HMGN5: variants seen among roughly 807,000 people sequenced by gnomAD.
The protein encoded by HMGN5 is high mobility group nucleosome binding domain 5.
A neutral mutation model predicts 9.5 loss-of-function variants in HMGN5; 4 were observed. That is an observed-to-expected ratio of 0.42 (90% CI 0.21 to 0.96). The LOEUF is 0.96. HMGN5 is among the 40% of genes least tolerant of loss of function. The pLI, the probability that HMGN5 is intolerant of heterozygous loss-of-function variation, is 0.30. For missense variants in HMGN5, 192 were observed against 187.5 expected (o/e 1.02, Z -0.14); for synonymous variants, 55 against 57.1 (o/e 0.96, Z 0.16).
In HMGN5 at chrX:81,189,055, G is replaced by T. The variant is rs559910475; in HGVS notation, c.-124+12682C>A. 1.9e-4 allele frequency among the ~76,000 whole-genome samples: 21 copies of T among 111,713 alleles called. No homozygotes were observed. The South Asian group carries it at 7.8e-3, about 42-fold the overall frequency. ...TTAGCATTTCTTGTGGGACAGGTCT[G>T]GTGTTAATGAAATCTCTCAGCTTTT... On this transcript the variant is annotated intron_variant, in intron 1 of 6. Coordinates refer to ENST00000358130, the MANE Select transcript of HMGN5 (RefSeq NM_030763.3).
chrX:81,200,786 A>G (rs1024551380), intron 1 of HMGN5, among the ~76,000 whole-genome samples: 1 of 111,095 alleles, frequency 9.0e-6, no homozygotes, highest in African/African-American at 3.3e-5. Context: ...CAGCAAACCA[A>G]CATGGCACAT....
intron 1 of HMGN5, among the ~76,000 whole-genome samples, chrX:81,153,328 A>G (rs754132046): frequency 9.5e-6 from 1 of 105,147 alleles, no homozygotes; most frequent in African/African-American, 3.5e-5. Flanking sequence ...TGAGGTGGGT[A>G]GATCACTTAA....
Position 81,115,236 on chromosome X carries a change from A to C in HMGN5, c.268-6T>G. On this transcript the variant is annotated splice_polypyrimidine_tract_variant and splice_region_variant and intron_variant, in intron 6 of 6. Transcript: ENST00000358130. ...TCTTTTTCAGAAGCTGGTGCCTGTA[A>C]GTATAGTGAAAAGAAAAACAAGATT... The C allele has an allele frequency of 6.1e-6, 7 of 1,140,634 alleles. No individual in the cohort carries two copies. The highest frequency in any genetic ancestry group is 8.1e-6 in the Non-Finnish European group (7 of 866,845). The allele number at this position is 1,140,634 out of a possible 1,213,427, so 94.0% of individuals were successfully genotyped here. A position where few individuals can be genotyped will look rare whatever the true frequency, so the allele number is the denominator to read the frequency against.
chrX:81,179,808 C>T (rs891865599), intron 1 of HMGN5, among the ~76,000 whole-genome samples: 10 of 111,648 alleles, frequency 9.0e-5, no homozygotes, highest in African/African-American at 3.3e-4. Context: ...AACTATACTA[C>T]AAGGCTACAG....
rs764982112 is a variant in HMGN5, at chrX:81,116,323, C to A, written c.148G>T (p.Asp50Tyr). ...SSSRKMKTKS[D>Y]MMEENIDTSA... ...GTATCTATGTTTTCTTCCATCATAT[C>A]ACTTTTTGTCTTCATTTTCTGCCAA... The change falls in exon 6 of 7, where the codon GAT (aspartate) becomes TAT (tyrosine). Residue 50 changes from aspartate (D) to tyrosine (Y), a missense_variant. Coordinates refer to ENST00000358130, the MANE Select transcript of HMGN5 (RefSeq NM_030763.3). The A allele has an allele frequency of 8.4e-7, 1 of 1,188,465 alleles. No homozygotes were observed. The highest frequency in any genetic ancestry group is 1.1e-6 in the Non-Finnish European group (1 of 877,814).
intron 1 of HMGN5, among the ~76,000 whole-genome samples, chrX:81,127,555 T>C (rs903541752): frequency 1.1e-4 from 11 of 103,721 alleles, no homozygotes; most frequent in Non-Finnish European, 8.0e-5. Flanking sequence ...GTTTGTGTTA[T>C]GCTAGGATTT....
chrX:81,166,816 G>C (rs1003166957), intron 1 of HMGN5, among the ~76,000 whole-genome samples: 1 of 111,279 alleles, frequency 9.0e-6, no homozygotes, highest in African/African-American at 3.3e-5. Flanking sequence ...CTTTAGAAAG[G>C]TTCAAGCAAA....
chrX:81,188,261 GAATATTATT>G (rs1285396181), intron 1 of HMGN5, among the ~76,000 whole-genome samples: 10 of 52,994 alleles, frequency 1.9e-4, no homozygotes, highest in African/African-American at 6.7e-4. Context: ...ACTGTGCACA[GAATATTATT>G]ATTATTATTA....
chrX:81,118,572 T>G (rs1470886121), intron 4 of HMGN5, 87 bp from the exon 5 acceptor site: 1 of 850,909 alleles, frequency 1.2e-6, no homozygotes, highest in Non-Finnish European at 1.7e-6. Flanking sequence ...ACCTCTGAAT[T>G]AAAATAAATG....
chrX:81,167,387 A>C (rs1211348896), intron 1 of HMGN5, among the ~76,000 whole-genome samples: 1 of 110,140 alleles, frequency 9.1e-6, no homozygotes, highest in Non-Finnish European at 1.9e-5. Context: ...TTAAATCTTC[A>C]ATTATTTTGA....
chrX:81,152,119 G>T (rs2075364633), intron 1 of HMGN5, among the ~76,000 whole-genome samples: 1 of 111,408 alleles, frequency 9.0e-6, no homozygotes, highest in Non-Finnish European at 1.9e-5. Flanking sequence ...AAAAGCAATG[G>T]CAACAAAAGC....
rs1444591497 is a variant in HMGN5, at chrX:81,145,572, G to A, written c.-123-23900C>T. Reference sequence around the variant, plus strand: ...ATACCAAATTGTAAAGACCATCGACGCTATGAAGAAACTGCATCAACTAAT... The same window carrying A: ...ATACCAAATTGTAAAGACCATCGACACTATGAAGAAACTGCATCAACTAAT... On this transcript the variant is annotated intron_variant, in intron 1 of 6. Transcript: ENST00000358130. Among the ~76,000 whole-genome samples the A allele has an allele frequency of 1.8e-4, 20 of 111,775 alleles. No homozygotes were observed. In the Admixed American group the frequency reaches 1.8e-3, roughly 10 times the overall value.
At position 81,121,650 on chromosome X, in the gene HMGN5, T is replaced by C. The variant is rs1280021966; in HGVS notation, c.-101A>G. ...GCAAATGAGTTTTCAATGAACTAAC[T>C]GCAGCACGACCTGTACTCTCCTCTG... On this transcript the variant is annotated 5_prime_UTR_variant, in exon 2 of 7. Transcript: ENST00000358130. The C allele has an allele frequency of 1.2e-5, 7 of 575,052 alleles. No homozygotes were observed. The highest frequency in any genetic ancestry group is 2.0e-5 in the Non-Finnish European group (7 of 357,417). 47.4% of individuals were successfully genotyped at this position (575,052 alleles called of 1,213,427 possible). A position where few individuals can be genotyped will look rare whatever the true frequency, so the allele number is the denominator to read the frequency against.
chrX:81,135,623 G>C (rs993282162), intron 1 of HMGN5, among the ~76,000 whole-genome samples: 1 of 110,938 alleles, frequency 9.0e-6, no homozygotes, highest in Non-Finnish European at 1.9e-5. Context: ...GAAATATCCA[G>C]ATCAGGCAAA....
At chrX:81,166,088 T>C (rs764368989) in intron 1 of HMGN5, among the ~76,000 whole-genome samples, 2 of 110,885 alleles carry the variant, frequency 1.8e-5, no homozygotes, top group Admixed American at 1.9e-4. Context: ...ACTTACTAGA[T>C]GCCAGTAGCA....
rs764916611 is a variant in HMGN5, at chrX:81,142,596, A to T, written c.-123-20924T>A. Among the ~76,000 whole-genome samples the T allele has an allele frequency of 5.5e-4, 62 of 112,159 alleles. 1 individual carries two copies. Among genetic ancestry groups the T allele is most frequent in the Non-Finnish European group, 1.1e-3 (58 of 53,214 alleles). On this transcript the variant is annotated intron_variant, in intron 1 of 6. Coordinates refer to ENST00000358130, the MANE Select transcript of HMGN5 (RefSeq NM_030763.3). ...TATTCAAAGTACTGAAGGAAAAAAA[A>T]ACTTTTATCCTAGAATAGCCTATCC...
At chrX:81,142,794 C>T (rs1445358234) in intron 1 of HMGN5, among the ~76,000 whole-genome samples, 3 of 111,746 alleles carry the variant, frequency 2.7e-5, no homozygotes, top group Non-Finnish European at 5.6e-5. Flanking sequence ...ACATATCTCA[C>T]TGGTCATAGT....
intron 1 of HMGN5, among the ~76,000 whole-genome samples, chrX:81,125,902 C>G (rs1184059309): frequency 9.0e-6 from 1 of 110,962 alleles, no homozygotes; most frequent in Non-Finnish European, 1.9e-5. Flanking sequence ...AATCCCAGCT[C>G]TTTGGGACGC....
intron 1 of HMGN5, among the ~76,000 whole-genome samples, chrX:81,172,281 A>T (rs1352005831): frequency 1.8e-5 from 2 of 111,267 alleles, no homozygotes; most frequent in Non-Finnish European, 3.8e-5. Flanking sequence ...TTGGAAGAAG[A>T]TATCTTTGAG....
Sources: allele counts gnomAD v4.1 joint callset (sites outside exome capture counted in the v4.1 genomes callset), GRCh38; gene constraint gnomAD v4.1.1; transcripts MANE v1.5; gene names NCBI Gene and HGNC (gene_info 2026-07-23, HGNC 2026-07-21).